The following GLYR1 variants were observed in gnomAD, a reference collection of about 807,000 sequenced individuals.
The protein encoded by GLYR1 is glyoxylate reductase 1 homolog.
GLYR1 carries 21 observed loss-of-function variants against 72.7 expected under a neutral mutation model. The observed-to-expected ratio is 0.29, with a 90% CI of 0.20 to 0.42. The LOEUF (loss-of-function observed/expected upper bound fraction) is 0.42. Ranked by LOEUF, GLYR1 falls within the 10% of genes least tolerant of loss-of-function variation. The pLI is 1.00. For synonymous variants in GLYR1, 392 were observed against 270.2 expected (o/e 1.45, Z -4.42); for missense variants, 594 against 712.1 (o/e 0.83, Z 1.89).
chr16:4,815,059 T>A (rs867267395), intron 10 of GLYR1, among the ~76,000 whole-genome samples: 12 of 152,268 alleles, frequency 7.9e-5, no homozygotes, highest in Middle Eastern at 3.4e-3. Flanking sequence ...TTCTCAACAC[T>A]GTTGTCAGGT....
chr16:4,812,292 G>T, intron 12 of GLYR1, 44 bp from the exon 13 acceptor site: 1 of 1,585,710 alleles, frequency 6.3e-7, no homozygotes, highest in Non-Finnish European at 8.5e-7. Context: ...CCCTCTCCCA[G>T]CGCTCTCTGG....
At chr16:4,818,900 C>T (rs1253172285) in intron 9 of GLYR1, among the ~76,000 whole-genome samples, 1 of 152,170 alleles carries the variant, frequency 6.6e-6, no homozygotes. Flanking sequence ...CAGGTCCTTC[C>T]CAATCCTTGT....
chr16:4,833,148 C>G (rs548320946), intron 3 of GLYR1: 102 of 375,746 alleles, frequency 2.7e-4, no homozygotes, highest in Non-Finnish European at 4.0e-4. Context: ...AACCACAAAT[C>G]AAGTTCCTCC....
intron 3 of GLYR1, among the ~76,000 whole-genome samples, chr16:4,838,430 G>A (rs1351799122): frequency 6.6e-6 from 1 of 152,094 alleles, no homozygotes; most frequent in Non-Finnish European, 1.5e-5. Flanking sequence ...GGACTGGAGG[G>A]GAAGACTGCT....
intron 1 of GLYR1, chr16:4,847,023 C>T (rs2086182934): frequency 1.2e-5 from 7 of 565,412 alleles, no homozygotes; most frequent in South Asian, 1.1e-4. Flanking sequence ...AAAGCCGGTG[C>T]CCGACGTGGC....
chr16:4,833,651 A>G (rs75091123), intron 3 of GLYR1, among the ~76,000 whole-genome samples: 14,967 of 152,112 alleles, frequency 0.098, 975 homozygotes, highest in Admixed American at 0.18. Flanking sequence ...CTCAAAAAAA[A>G]AAAAAAATAG....
chr16:4,806,168 G>A (rs921471618), intron 15 of GLYR1, among the ~76,000 whole-genome samples: 1 of 152,188 alleles, frequency 6.6e-6, no homozygotes, highest in Non-Finnish European at 1.5e-5. Context: ...GAGGAGCTAT[G>A]TCACTGGCGT....
At chr16:4,835,394 C>A (rs888215322) in intron 3 of GLYR1, among the ~76,000 whole-genome samples, 1 of 152,162 alleles carries the variant, frequency 6.6e-6, no homozygotes, top group African/African-American at 2.4e-5. Context: ...TAAAATTTTC[C>A]TCTTTACAAC....
chr16:4,835,451 G>C (rs2085068007), intron 3 of GLYR1, among the ~76,000 whole-genome samples: 2 of 152,196 alleles, frequency 1.3e-5, no homozygotes, highest in African/African-American at 4.8e-5. Flanking sequence ...AGTATGAATA[G>C]GATGGTAAAT....
At chr16:4,840,840 G>A (rs1596407166) in intron 3 of GLYR1, among the ~76,000 whole-genome samples, 1 of 152,174 alleles carries the variant, frequency 6.6e-6, no homozygotes, top group Non-Finnish European at 1.5e-5. Flanking sequence ...GTAATCTGCT[G>A]CCACCAGCCA....
At chr16:4,811,559 C>A (rs1179273078) in intron 14 of GLYR1, 64 bp downstream of exon 14, 4 of 1,581,984 alleles carry the variant, frequency 2.5e-6, no homozygotes, top group African/African-American at 2.7e-5. Flanking sequence ...TCACTAAATC[C>A]CTGACCTAGT....
intron 10 of GLYR1, among the ~76,000 whole-genome samples, chr16:4,817,281 G>A (rs973939520): frequency 1.3e-5 from 2 of 151,792 alleles, no homozygotes; most frequent in African/African-American, 2.4e-5. Flanking sequence ...CACCACGCCC[G>A]GCTAATTTTT....
chr16:4,830,171 C>T (rs944289651), intron 5 of GLYR1, among the ~76,000 whole-genome samples: 17 of 151,686 alleles, frequency 1.1e-4, no homozygotes, highest in African/African-American at 3.2e-4. Context: ...CCTCAGCCTC[C>T]GAAAATGCTG....
At chr16:4,821,037 A>C (rs553931957) in intron 9 of GLYR1, among the ~76,000 whole-genome samples, 9 of 152,368 alleles carry the variant, frequency 5.9e-5, no homozygotes, top group Non-Finnish European at 8.8e-5. Context: ...CTGGTTAAAA[A>C]TACAAATTCT....
chr16:4,820,403 C>T (rs2083936157), intron 9 of GLYR1, among the ~76,000 whole-genome samples: 1 of 152,198 alleles, frequency 6.6e-6, no homozygotes, highest in Admixed American at 6.6e-5. Flanking sequence ...GGTTTTGATG[C>T]TGGCTTCATA....
Position 4,832,026 on chromosome 16 carries a change from G to C in GLYR1, c.490C>G (p.Gln164Glu). The C allele has an allele frequency of 5.0e-6, 8 of 1,614,158 alleles. No individual in the cohort carries two copies. Among genetic ancestry groups the C allele is most frequent in the Non-Finnish European group, 6.8e-6 (8 of 1,180,016 alleles). ...RGSKSPLKRA[Q>E]EQSPRKRGRP... Reference sequence around the variant, plus strand: ...CCCCGCTTCCGGGGACTTTGCTCTTGGGCTCTTTTCAGAGGGGATTTGGAG... The same window carrying C: ...CCCCGCTTCCGGGGACTTTGCTCTTCGGCTCTTTTCAGAGGGGATTTGGAG... The change falls in exon 5 of 16, where the codon CAA becomes GAA. Residue 164 changes from glutamine to glutamate, a missense_variant. Transcript: ENST00000321919.
chr16:4,821,197 C>A, intron 9 of GLYR1, 183 bp downstream of exon 9: 1 of 655,610 alleles, frequency 1.5e-6, no homozygotes, highest in Non-Finnish European at 2.6e-6. Flanking sequence ...GGAGACCCGA[C>A]CACAGATTTA....
In GLYR1 at chr16:4,814,565, C is replaced by G; in HGVS notation, c.989G>C (p.Cys330Ser). The G allele has an allele frequency of 6.2e-7, 1 of 1,613,960 alleles. No homozygotes were observed. The highest frequency in any genetic ancestry group is 8.5e-7 in the Non-Finnish European group (1 of 1,180,024). ...VVSTCDITFA[C>S]VSDPKAAKDL... is the part of the protein sequence containing the mutation. ...CTTGGCCGCCTTGGGATCCGACACG[C>G]AGGCGAAAGTGATGTCGCAGGTTGA... Residue 330 changes from cysteine (C) to serine (S), a missense_variant, in exon 11 of 16, where the codon TGC (cysteine) becomes TCC (serine). This residue lies in a region of GLYR1 where 266 missense variants were observed against 358.4 expected (regional missense o/e 0.74). Coordinates refer to ENST00000321919, the MANE Select transcript of GLYR1 (RefSeq NM_032569.4).
intron 3 of GLYR1, chr16:4,843,837 T>C (rs1312233348): frequency 1.6e-5 from 3 of 189,942 alleles, no homozygotes; most frequent in Non-Finnish European, 3.0e-5. Context: ...GGCTCTTGCC[T>C]GTAATCCCAG....
Sources: gnomAD v4.1 joint callset for allele counts (sites outside exome capture counted in the v4.1 genomes callset) on GRCh38, gnomAD v4.1.1 for gene constraint, gnomAD v4.1.1 regional missense constraint, MANE v1.5 for transcripts, NCBI Gene and HGNC (gene_info 2026-07-23, HGNC 2026-07-21) for gene names.